The following CLCN3 variants were observed in gnomAD, a reference collection of about 807,000 sequenced individuals.
CLCN3 encodes the protein Cl-/H+ antiporter 3.
Under a neutral mutation model 83.4 loss-of-function variants are expected in CLCN3, and 16 were observed. The ratio of observed to expected loss-of-function variants is 0.19; its 90% CI spans 0.13 to 0.29. CLCN3 has a LOEUF of 0.29. Among genes scored for constraint, CLCN3 ranks in the 10% least tolerant of loss-of-function variants. The pLI is 1.00. For missense variants in CLCN3, 544 were observed against 1,006.0 expected (o/e 0.54, Z 6.21); for synonymous variants, 322 against 346.2 (o/e 0.93, Z 0.78).
Position 169,635,976 on chromosome 4 carries a change from C to A in CLCN3, c.48C>A (p.Tyr16Ter). Residue 16 changes from tyrosine to a stop codon, truncating the protein, a stop_gained, in exon 2 of 13, where the codon TAC becomes TAA. Transcript: ENST00000513761. LOFTEE classifies it high-confidence loss of function. ...ATAGAGGCTACTATAGAAACAGCTA[C>A]AACAGTATAACAAGTGCAAGTAGTG... ...LFHRGYYRNSYNSITSASSDE... is the reference protein window; with the variant it reads ...LFHRGYYRNS 1 of 1,612,704 alleles carries A rather than the reference C, an allele frequency of 6.2e-7. No homozygotes were observed. Among genetic ancestry groups the A allele is most frequent in the Admixed American group, 1.7e-5 (1 of 59,838 alleles).
chr4:169,665,289 T>C (rs1731203703), intron 2 of CLCN3, among the ~76,000 whole-genome samples: 1 of 152,226 alleles, frequency 6.6e-6, no homozygotes, highest in African/African-American at 2.4e-5. Context: ...GTATTGCTGC[T>C]GCCTGGTTGT....
rs1302108050 is a variant in CLCN3, at chr4:169,720,924, T to A, written c.*927T>A. ...TATGCAAATTTTCTATTTCTAAAAC[T>A]ACTACTATGATATACAAGTGCTGTT... is the stretch of plus-strand genomic sequence containing the variant. On this transcript the variant is annotated 3_prime_UTR_variant, in exon 13 of 13. Transcript: ENST00000513761. 1.3e-5 allele frequency: 2 copies of A among 152,652 alleles called. No homozygotes were observed. The highest frequency in any genetic ancestry group is 2.4e-5 in the African/African-American group (1 of 41,454). 9.5% of individuals were successfully genotyped at this position (152,652 alleles called of 1,614,324 possible). A position where few individuals can be genotyped will look rare whatever the true frequency, so the allele number is the denominator to read the frequency against.
chr4:169,720,442 C>CT lies in CLCN3; in HGVS notation c.*453dup, dbSNP rs923000529. ...ATCTATAAAACTGCAAGGTCTTGCC[C>CT]TTTTTTTTAATCAAAACTGTTCTGT... On this transcript the variant is annotated 3_prime_UTR_variant, in exon 13 of 13. Transcript: ENST00000513761. The CT allele has an allele frequency of 1.2e-4, 19 of 163,816 alleles. No homozygotes were observed. The East Asian group carries it at 2.4e-3, about 21-fold the overall frequency. The allele number at this position is 163,816 out of a possible 1,614,324, so 10.1% of individuals were successfully genotyped here.
chr4:169,699,814 G>A (rs1732707050), intron 9 of CLCN3, among the ~76,000 whole-genome samples: 1 of 152,068 alleles, frequency 6.6e-6, no homozygotes. Flanking sequence ...CCCAGGAGGT[G>A]GAGGTTGCAA....
intron 9 of CLCN3, among the ~76,000 whole-genome samples, chr4:169,701,646 AG>A (rs962432293): frequency 1.3e-5 from 2 of 152,174 alleles, no homozygotes; most frequent in African/African-American, 2.4e-5. Context: ...AATTCTACGG[AG>A]GGACATAAGG....
intron 2 of CLCN3, among the ~76,000 whole-genome samples, chr4:169,651,030 G>C (rs556200056): frequency 1.3e-5 from 2 of 152,114 alleles, no homozygotes; most frequent in Non-Finnish European, 2.9e-5. Context: ...ATTAGCCTAA[G>C]ATGCCAGTGG....
At chr4:169,626,443 A>G (rs1000879617) in intron 1 of CLCN3, among the ~76,000 whole-genome samples, 22 of 152,354 alleles carry the variant, frequency 1.4e-4, no homozygotes, top group African/African-American at 5.0e-4. Flanking sequence ...CAGCACTAAT[A>G]GACCCAGTGG....
chr4:169,674,790 G>C (rs867128898), intron 2 of CLCN3, among the ~76,000 whole-genome samples: 1 of 151,332 alleles, frequency 6.6e-6, no homozygotes, highest in Non-Finnish European at 1.5e-5. Context: ...TTGCTCTGTC[G>C]CCCAGGCTGG....
chr4:169,700,559 G>A (rs1340023167), intron 9 of CLCN3, among the ~76,000 whole-genome samples: 1 of 152,004 alleles, frequency 6.6e-6, no homozygotes, highest in Non-Finnish European at 1.5e-5. Flanking sequence ...ACTGAACCTG[G>A]CCTCTTTCAG....
At chr4:169,659,149 T>TTTG (rs897055656) in intron 2 of CLCN3, among the ~76,000 whole-genome samples, 2 of 151,996 alleles carry the variant, frequency 1.3e-5, no homozygotes, top group Admixed American at 1.3e-4. Context: ...AACAACACCT[T>TTTG]TTGTTGTTGT....
At chr4:169,667,484 G>A (rs1168609110) in intron 2 of CLCN3, among the ~76,000 whole-genome samples, 2 of 151,952 alleles carry the variant, frequency 1.3e-5, no homozygotes, top group Admixed American at 1.3e-4. Flanking sequence ...ACTAAAATAA[G>A]GCAAAACAAT....
chr4:169,690,678 T>C (rs1157362596), intron 6 of CLCN3, 26 bp downstream of exon 6: 1 of 1,588,392 alleles, frequency 6.3e-7, no homozygotes, highest in South Asian at 1.1e-5. Flanking sequence ...TTTAGTGTCA[T>C]TAAACATTAT....
chr4:169,657,388 G>GT (rs1258777869), intron 2 of CLCN3, among the ~76,000 whole-genome samples: 1 of 151,842 alleles, frequency 6.6e-6, no homozygotes, highest in African/African-American at 2.4e-5. Flanking sequence ...TCCTAGTTTG[G>GT]TTTTTTCCTG....
At chr4:169,694,556 T>C (rs1732494358) in intron 7 of CLCN3, among the ~76,000 whole-genome samples, 1 of 152,218 alleles carries the variant, frequency 6.6e-6, no homozygotes. Context: ...TACAGACACT[T>C]GGCTGGGCGC....
At chr4:169,712,976 A>G in intron 11 of CLCN3, 103 bp from the exon 12 acceptor site, 2 of 786,336 alleles carry the variant, frequency 2.5e-6, no homozygotes, top group Admixed American at 2.3e-5. Flanking sequence ...TGAAGGGATC[A>G]GAAGTCATAG....
chr4:169,714,581 C>T (rs1272992485), intron 12 of CLCN3, among the ~76,000 whole-genome samples: 1 of 152,084 alleles, frequency 6.6e-6, no homozygotes, highest in Non-Finnish European at 1.5e-5. Context: ...CCTCTTGCTA[C>T]TATTTTGCAC....
At position 169,620,868 on chromosome 4, in the gene CLCN3, G is replaced by A. The variant is rs899910004; in HGVS notation, c.-212G>A. On this transcript the variant is annotated 5_prime_UTR_variant, in exon 1 of 13. Coordinates refer to ENST00000513761, the MANE Select transcript of CLCN3 (RefSeq NM_001829.4). ...CCGTGTTTGAAGGAGGACAATAAAA[G>A]TCCCACCGGGCAAAATTTTCGTAAC... The A allele has an allele frequency of 2.3e-5, 9 of 398,414 alleles. No individual in the cohort carries two copies. The highest frequency in any genetic ancestry group is 4.1e-5 in the African/African-American group (2 of 48,594). 24.7% of individuals were successfully genotyped at this position (398,414 alleles called of 1,614,324 possible). A position where few individuals can be genotyped will look rare whatever the true frequency, so the allele number is the denominator to read the frequency against.
At chr4:169,673,853 A>G (rs567942900) in intron 2 of CLCN3, among the ~76,000 whole-genome samples, 106 of 152,320 alleles carry the variant, frequency 7.0e-4, no homozygotes, top group Middle Eastern at 3.4e-3. Context: ...TTTTATATAG[A>G]CATAGGGCAT....
intron 9 of CLCN3, chr4:169,702,753 G>A (rs1447380981): frequency 1.8e-5 from 4 of 228,112 alleles, no homozygotes; most frequent in Non-Finnish European, 1.8e-5. Flanking sequence ...ACTAACCTGG[G>A]CAACATAGTA....
Sources: gnomAD v4.1 joint callset for allele counts (sites outside exome capture counted in the v4.1 genomes callset) on GRCh38, gnomAD v4.1.1 for gene constraint, MANE v1.5 for transcripts, NCBI Gene and HGNC (gene_info 2026-07-23, HGNC 2026-07-21) for gene names.